The following SPIRE2 variants were observed in gnomAD, a reference collection of about 807,000 sequenced individuals.
SPIRE2 encodes the protein spire type actin nucleation factor 2, also known as protein spire homolog 2.
Under a neutral mutation model 80.7 loss-of-function variants are expected in SPIRE2, and 76 were observed. The observed-to-expected ratio is 0.94, with a 90% CI of 0.78 to 1.14. The LOEUF (loss-of-function observed/expected upper bound fraction) is 1.14, where lower values mean the gene tolerates loss of function less well. SPIRE2 is among the 50% of genes most tolerant of loss of function. The pLI is 0.00. For synonymous variants in SPIRE2, 535 were observed against 432.6 expected (o/e 1.24, Z -2.94); for missense variants, 1,196 against 1,015.3 (o/e 1.18, Z -2.42).
At chr16:89,831,482 T>C (rs7203374) in intron 1 of SPIRE2, among the ~76,000 whole-genome samples, 74,663 of 147,188 alleles carry the variant, frequency 0.51, 20,706 homozygotes, top group East Asian at 0.73. Flanking sequence ...ACTGCAAGCT[T>C]CGCCTACTGG....
Position 89,856,097 on chromosome 16 carries a change from C to T in SPIRE2, c.979-16C>T, listed in dbSNP as rs185450073. The stretch of plus-strand genomic sequence containing the variant: ...GGTCCTGCTTCCCCACCGCAGGTCT[C>T]GCTTCCCCACCGCAGGTCTCTGAGA... On this transcript the variant is annotated splice_polypyrimidine_tract_variant and intron_variant, in intron 6 of 14. Coordinates refer to ENST00000378247, the MANE Select transcript of SPIRE2 (RefSeq NM_032451.2). 1.2e-3 allele frequency: 1,952 copies of T among 1,610,010 alleles called. 2 individuals are homozygous for T. The highest frequency in any genetic ancestry group is 1.5e-3 in the Middle Eastern group (8 of 5,188).
intron 1 of SPIRE2, among the ~76,000 whole-genome samples, chr16:89,829,584 C>A (rs1489676143): frequency 1.3e-5 from 2 of 152,194 alleles, no homozygotes; most frequent in African/African-American, 4.8e-5. Context: ...CATGAGCAGG[C>A]CTATGTGGAG....
Position 89,850,661 on chromosome 16 carries a change from G to C in SPIRE2, c.645+1G>C. ...GGCCAGGGTCCGGGAGGCCAAGGAG[G>C]TGAGCGGTGGGTGGGGGCGACCGTG... On this transcript the variant is annotated splice_donor_variant, in intron 3 of 14. Coordinates refer to ENST00000378247, the MANE Select transcript of SPIRE2 (RefSeq NM_032451.2). LOFTEE classifies it high-confidence loss of function. The C allele has an allele frequency of 2.0e-6, 3 of 1,476,314 alleles. No homozygotes were observed. The highest frequency in any genetic ancestry group is 2.6e-5 in the South Asian group (2 of 75,504). 91.5% of individuals were successfully genotyped at this position (1,476,314 alleles called of 1,614,324 possible).
rs565190177 is a variant in SPIRE2, at chr16:89,869,745, G to C, written c.1922+63G>C. Reference sequence around the variant, plus strand: ...GTCGGGCGTGAAGAGGAACTTGGGAGCTGGGGTGGAGGGGGCTGGCTTTGT... The same window carrying C: ...GTCGGGCGTGAAGAGGAACTTGGGACCTGGGGTGGAGGGGGCTGGCTTTGT... On this transcript the variant is annotated intron_variant, in intron 14 of 14. Transcript: ENST00000378247. 4 of 1,314,610 alleles carry C rather than the reference G, an allele frequency of 3.0e-6. No homozygotes were observed. The Admixed American group carries it at 5.2e-5, about 17-fold the overall frequency. 81.4% of individuals were successfully genotyped at this position (1,314,610 alleles called of 1,614,324 possible).
At chr16:89,854,248 C>G (rs768667397) in intron 3 of SPIRE2, 38 bp from the exon 4 acceptor site, 2 of 1,595,140 alleles carry the variant, frequency 1.3e-6, no homozygotes, top group East Asian at 2.3e-5. Flanking sequence ...CTGCCATTCT[C>G]GTACCTCCCC....
intron 3 of SPIRE2, 49 bp from the exon 4 acceptor site, chr16:89,854,237 T>C (rs1259689678): frequency 6.4e-7 from 1 of 1,560,732 alleles, no homozygotes; most frequent in Non-Finnish European, 8.8e-7. Context: ...CCGTCTTGCA[T>C]CTGCCATTCT....
intron 7 of SPIRE2, among the ~76,000 whole-genome samples, chr16:89,858,080 T>C (rs1260755521): frequency 1.3e-5 from 2 of 151,094 alleles, no homozygotes; most frequent in Non-Finnish European, 2.9e-5. Flanking sequence ...AGAGACAGGG[T>C]TTCACCATGT....
Position 89,828,905 on chromosome 16 carries a change from G to T in SPIRE2, c.244+111G>T. On this transcript the variant is annotated intron_variant, in intron 1 of 14. Coordinates refer to ENST00000378247, the MANE Select transcript of SPIRE2 (RefSeq NM_032451.2). This position sits in a 1 kb window ranked among gnomAD's most constrained non-coding sequence, Gnocchi z 5.9. ...GGCTGCGACCGGTTCTGGAGCGGGA[G>T]ATCCCCTTCTCTGCGGGACCCGGAG... 1 of 893,032 alleles carries T rather than the reference G, an allele frequency of 1.1e-6. No individual in the cohort carries two copies. The highest frequency in any genetic ancestry group is 5.5e-5 in the South Asian group (1 of 18,176). The allele number at this position is 893,032 out of a possible 1,614,324, so 55.3% of individuals were successfully genotyped here. A position where few individuals can be genotyped will look rare whatever the true frequency, so the allele number is the denominator to read the frequency against.
At chr16:89,845,829 C>G in intron 2 of SPIRE2, 4 of 543,790 alleles carry the variant, frequency 7.4e-6, no homozygotes, top group Non-Finnish European at 6.5e-6. Context: ...ATGTCTGGAA[C>G]GTCATGTTTC....
In SPIRE2 at chr16:89,856,079, CT is replaced by C. The variant is rs1597219967; in HGVS notation, c.979-32del. The C allele has an allele frequency of 3.1e-6, 5 of 1,598,794 alleles. No homozygotes were observed. The East Asian group carries it at 9.0e-5, about 29-fold the overall frequency. On this transcript the variant is annotated intron_variant, in intron 6 of 14. Transcript: ENST00000378247. ...TCCCGCTTCCCCACCGCAGGTCCTG[CT>C]TCCCCACCGCAGGTCTCGCTTCCCC...
chr16:89,834,621 C>T (rs1182312298), intron 1 of SPIRE2, among the ~76,000 whole-genome samples: 4 of 120,498 alleles, frequency 3.3e-5, no homozygotes, highest in African/African-American at 6.1e-5. Context: ...CCCGCACTCG[C>T]GGTTGGCCGT....
intron 1 of SPIRE2, among the ~76,000 whole-genome samples, chr16:89,834,216 CT>C (rs1437310427): frequency 7.4e-6 from 1 of 134,580 alleles, no homozygotes; most frequent in African/African-American, 2.6e-5. Flanking sequence ...GTGAACCTGC[CT>C]GTGCTCACGG....
intron 1 of SPIRE2, among the ~76,000 whole-genome samples, chr16:89,829,033 C>A (rs906414846): frequency 6.6e-6 from 1 of 152,166 alleles, no homozygotes; most frequent in Admixed American, 6.5e-5. Flanking sequence ...CCCTCCCGGA[C>A]CCCCCCACCT....
rs142527874 is a variant in SPIRE2 at position 89,858,762 on chromosome 16, C to T, written c.1272+255C>T. ...CCCACAGACGATGGAAGGCTGACAG[C>T]GGAAGTGCCTCGCTGTCCCAGGCCC... On this transcript the variant is annotated intron_variant, in intron 8 of 14. Transcript: ENST00000378247. Among the ~76,000 whole-genome samples, 447 of 152,312 alleles carry T rather than the reference C, an allele frequency of 2.9e-3. 3 individuals carry two copies. Among genetic ancestry groups the T allele is most frequent in the African/African-American group, 0.01 (432 of 41,572 alleles).
At chr16:89,837,311 T>G (rs2041459808) in intron 1 of SPIRE2, among the ~76,000 whole-genome samples, 1 of 152,122 alleles carries the variant, frequency 6.6e-6, no homozygotes, top group South Asian at 2.1e-4. Flanking sequence ...GGGGAAGAGT[T>G]GAGGTCTCCG....
intron 3 of SPIRE2, among the ~76,000 whole-genome samples, chr16:89,851,629 T>A (rs2041628892): frequency 6.6e-6 from 1 of 152,038 alleles, no homozygotes; most frequent in South Asian, 2.1e-4. Context: ...GGAGCAACCA[T>A]CCCTCTCTGA....
chr16:89,842,606 C>G (rs780909733), intron 1 of SPIRE2, among the ~76,000 whole-genome samples: 4 of 152,224 alleles, frequency 2.6e-5, no homozygotes, highest in African/African-American at 9.6e-5. Flanking sequence ...CCAGAAGCTT[C>G]CCATGCACTG....
chr16:89,859,136 G>A (rs2041719421), intron 8 of SPIRE2, 29 bp from the exon 9 acceptor site: 2 of 1,515,034 alleles, frequency 1.3e-6, no homozygotes, highest in Admixed American at 2.0e-5. Flanking sequence ...GGCATTGTCA[G>A]GGCAGGGCCG....
Position 89,863,756 on chromosome 16 carries a change from T to C in SPIRE2, c.1711-38T>C. 1.2e-6 allele frequency: 2 copies of C among 1,612,342 alleles called. No homozygotes were observed. The highest frequency in any genetic ancestry group is 1.7e-5 in the Admixed American group (1 of 59,996). ...GGACAGGGCGGGACCCCAGGGAGCT[T>C]TGGACAAAGCGGGGCTCTAACCAGT... On this transcript the variant is annotated intron_variant, in intron 11 of 14. Transcript: ENST00000378247. The surrounding 1 kb of genome is among the most constrained non-coding windows in gnomAD (Gnocchi z 4.3).
Sources: gnomAD v4.1 joint callset for allele counts (sites outside exome capture counted in the v4.1 genomes callset) on GRCh38, gnomAD v4.1.1 for gene constraint, Gnocchi (gnomAD v3.1) non-coding constraint, MANE v1.5 for transcripts, NCBI Gene and HGNC (gene_info 2026-07-23, HGNC 2026-07-21) for gene names.